PATJ: variants seen among roughly 807,000 people sequenced by gnomAD.
PATJ encodes inaD-like protein.
PATJ carries 190 observed loss-of-function variants against 224.9 expected under a neutral mutation model. The ratio of observed to expected loss-of-function variants is 0.84; its 90% confidence interval spans 0.75 to 0.95. PATJ has a LOEUF of 0.95. Ranked by LOEUF, PATJ falls within the 40% of genes least tolerant of loss-of-function variation. The pLI, the probability that PATJ is intolerant of heterozygous loss-of-function variation, is 0.00. For synonymous variants in PATJ, 769 were observed against 820.3 expected, an observed-to-expected ratio of 0.94 and a Z score of 1.07; for missense variants, 2,121 against 2,270.3, an observed-to-expected ratio of 0.93 and a Z score of 1.34.
At chr1:61,954,862 T>C (rs922125827) in intron 27 of PATJ, among the ~76,000 whole-genome samples, 2 of 151,630 alleles carry the variant, frequency 1.3e-5, no homozygotes, top group African/African-American at 4.8e-5. Context: ...CACAGCATTC[T>C]CCTGCCTCAG....
In PATJ at chr1:62,140,844, G is replaced by A. The variant is rs570607023; in HGVS notation, c.5272-7440G>A. On this transcript the variant is annotated intron_variant, in intron 41 of 43. Transcript: ENST00000642238. ...GGATCACTTGAGTCCAGGAGTTCAA[G>A]GCTGCAGTGAGCTATGATCGCACCA... Among the ~76,000 whole-genome samples, 5 of 151,950 alleles carry A rather than the reference G, an allele frequency of 3.3e-5. No homozygotes were observed. In the East Asian group the frequency reaches 9.7e-4, roughly 29 times the overall value.
rs1213022286 is a variant in PATJ at position 62,004,555 on chromosome 1, T to C, written c.3868-13301T>C. Reference sequence around the variant, plus strand: ...ATAAGCTTTTAAACTGAAAGATATTTTGGCTATAAGTTCTGATTCTAGATG... The same window carrying C: ...ATAAGCTTTTAAACTGAAAGATATTCTGGCTATAAGTTCTGATTCTAGATG... On this transcript the variant is annotated intron_variant, in intron 28 of 43. Coordinates refer to ENST00000642238, the MANE Select transcript of PATJ (RefSeq NM_001350145.3). Among the ~76,000 whole-genome samples the C allele has an allele frequency of 2.0e-5, 3 of 152,306 alleles. No homozygotes were observed. In the East Asian group the frequency reaches 5.8e-4, roughly 29 times the overall value.
intron 28 of PATJ, among the ~76,000 whole-genome samples, chr1:61,996,300 A>G (rs1645352614): frequency 6.6e-6 from 1 of 152,220 alleles, no homozygotes; most frequent in Non-Finnish European, 1.5e-5. Context: ...CCAGGTATAC[A>G]TGCAGCTGCT....
Position 61,856,105 on chromosome 1 carries a change from G to A in PATJ, c.2188G>A (p.Gly730Arg), listed in dbSNP as rs1483354359. The change falls in exon 18 of 44, where the codon GGA becomes AGA. Residue 730 changes from glycine to arginine, a missense_variant. Transcript: ENST00000642238. ...AGATGGTGTAGCAGAAAGAAGTGGG[G>A]GACTATTACCTGGAGACCGCCTGGT... ...VADGVAERSG[G>R]LLPGDRLVSV... 3.1e-6 allele frequency: 5 copies of A among 1,614,028 alleles called. No individual in the cohort carries two copies. In the Admixed American group the frequency reaches 5.0e-5, roughly 16 times the overall value.
intron 22 of PATJ, among the ~76,000 whole-genome samples, chr1:61,887,253 G>A (rs6672622): frequency 0.6 from 90,811 of 151,910 alleles, 27,563 homozygotes; most frequent in Admixed American, 0.66. Context: ...TAGTTTGATA[G>A]GAGGAAGCTC....
At chr1:61,815,948 G>A (rs922048920) in intron 14 of PATJ, among the ~76,000 whole-genome samples, 1 of 152,156 alleles carries the variant, frequency 6.6e-6, no homozygotes, top group Non-Finnish European at 1.5e-5. Context: ...TGAGGGAGAA[G>A]CATTAAGCTC....
chr1:61,917,197 A>G (rs947004865), intron 26 of PATJ, among the ~76,000 whole-genome samples: 1 of 152,196 alleles, frequency 6.6e-6, no homozygotes, highest in African/African-American at 2.4e-5. Flanking sequence ...TCCAAAGTTT[A>G]ACTATAAACT....
intron 21 of PATJ, among the ~76,000 whole-genome samples, chr1:61,877,288 A>T (rs899620299): frequency 5.3e-5 from 8 of 150,212 alleles, no homozygotes; most frequent in African/African-American, 2.0e-4. Context: ...TAAGTTGTAT[A>T]GTAACCCGAT....
intron 31 of PATJ, among the ~76,000 whole-genome samples, chr1:62,064,046 G>C (rs571098399): frequency 6.6e-6 from 1 of 152,150 alleles, no homozygotes; most frequent in Non-Finnish European, 1.5e-5. Flanking sequence ...TGTTGAATAG[G>C]AGTGGTGAGA....
At chr1:62,107,168 T>C (rs1190172605) in intron 33 of PATJ, among the ~76,000 whole-genome samples, 1 of 151,954 alleles carries the variant, frequency 6.6e-6, no homozygotes, top group African/African-American at 2.4e-5. Flanking sequence ...TAGCCGGACG[T>C]GGTGGCGGGC....
In PATJ at chr1:62,114,116, C is replaced by T. The variant is rs752169166; in HGVS notation, c.4525C>T (p.Pro1509Ser). The T allele has an allele frequency of 1.2e-6, 2 of 1,614,126 alleles. No homozygotes were observed. Among genetic ancestry groups the T allele is most frequent in the South Asian group, 1.1e-5 (1 of 91,074 alleles). The change falls in exon 35 of 44, where the codon CCC becomes TCC. Residue 1509 changes from proline (P) to serine (S), a missense_variant. Physicochemically the swap from Pro to Ser is moderately conservative, Grantham distance 74. Transcript: ENST00000642238. Reference protein sequence around the residue: ...EEAITALRQTPQKVRLVVYRD... With the variant: ...EEAITALRQTSQKVRLVVYRD... ...AGCCATCACAGCCCTGAGGCAGACC[C>T]CCCAGAAGGTGCGGCTGGTGGTGTA...
intron 25 of PATJ, among the ~76,000 whole-genome samples, chr1:61,913,484 A>C (rs1391601827): frequency 6.6e-6 from 1 of 152,232 alleles, no homozygotes; most frequent in Non-Finnish European, 1.5e-5. Flanking sequence ...CTGGGATTGC[A>C]GATATGAGCC....
intron 31 of PATJ, among the ~76,000 whole-genome samples, chr1:62,073,563 G>A (rs1015445753): frequency 2.0e-5 from 3 of 152,122 alleles, no homozygotes; most frequent in Non-Finnish European, 4.4e-5. Context: ...AACCTGGGAG[G>A]CAGAGGTTAC....
Position 61,953,258 on chromosome 1 carries a change from T to C in PATJ, c.3670+25429T>C, listed in dbSNP as rs144663553. Among the ~76,000 whole-genome samples, 132 of 152,342 alleles carry C rather than the reference T, an allele frequency of 8.7e-4. 1 individual carries two copies. In the Middle Eastern group the frequency reaches 0.017, roughly 20 times the overall value. On this transcript the variant is annotated intron_variant, in intron 27 of 43. Coordinates refer to ENST00000642238, the MANE Select transcript of PATJ (RefSeq NM_001350145.3). ...TAGGGGTATTCTTGCATAAGTATTATTGCCTAAGGGAGGCAATTGTTAACT... is the reference window on the plus strand; with the variant it reads ...TAGGGGTATTCTTGCATAAGTATTACTGCCTAAGGGAGGCAATTGTTAACT...
At chr1:62,009,927 A>G (rs942863067) in intron 28 of PATJ, among the ~76,000 whole-genome samples, 10 of 151,832 alleles carry the variant, frequency 6.6e-5, no homozygotes, top group Non-Finnish European at 1.2e-4. Flanking sequence ...TACTAAAAAT[A>G]CAAAAATTAG....
intron 33 of PATJ, chr1:62,100,346 T>G: frequency 1.4e-6 from 1 of 718,132 alleles, no homozygotes; most frequent in Admixed American, 2.0e-5. Flanking sequence ...TCCAAGAGCA[T>G]GGAGCCAGCA....
chr1:62,082,433 G>A (rs1360311008), intron 32 of PATJ, among the ~76,000 whole-genome samples: 4 of 152,110 alleles, frequency 2.6e-5, no homozygotes, highest in Non-Finnish European at 5.9e-5. Flanking sequence ...TCCTGCTTAG[G>A]AACTCAACTG....
intron 24 of PATJ, among the ~76,000 whole-genome samples, chr1:61,902,523 A>G (rs1032734305): frequency 6.6e-6 from 1 of 152,162 alleles, no homozygotes; most frequent in Non-Finnish European, 1.5e-5. Context: ...TAAAATGGAA[A>G]TGAGAATTCA....
chr1:61,847,758 C>T (rs932836274), intron 17 of PATJ, among the ~76,000 whole-genome samples: 1 of 152,156 alleles, frequency 6.6e-6, no homozygotes, highest in African/African-American at 2.4e-5. Context: ...AATCAGAAGA[C>T]AGTCTTTTGA....
Sources: allele counts gnomAD v4.1 joint callset (sites outside exome capture counted in the v4.1 genomes callset), GRCh38; gene constraint gnomAD v4.1.1; transcripts MANE v1.5; gene names NCBI Gene and HGNC (gene_info 2026-07-23, HGNC 2026-07-21).